FTO: variants seen among roughly 807,000 people sequenced by gnomAD.
The protein encoded by FTO is alpha-ketoglutarate-dependent dioxygenase FTO.
A neutral mutation model predicts 63.9 loss-of-function variants in FTO; 47 were observed. That is an observed-to-expected ratio of 0.74 (90% CI 0.58 to 0.94). The LOEUF (loss-of-function observed/expected upper bound fraction) is 0.94, where lower values mean the gene tolerates loss of function less well. Among genes scored for constraint, FTO ranks in the 40% least tolerant of loss-of-function variants. FTO has a pLI of 0.00. For missense variants in FTO, 562 were observed against 618.1 expected, an observed-to-expected ratio of 0.91 and a Z score of 0.96; for synonymous variants, 207 against 224.4, an observed-to-expected ratio of 0.92 and a Z score of 0.69.
chr16:54,022,247 C>T (rs7194243), intron 8 of FTO, among the ~76,000 whole-genome samples: 47,061 of 151,964 alleles, frequency 0.31, 7,778 homozygotes, highest in South Asian at 0.44. Context: ...GTGAGCGGCT[C>T]GTAGTCCATA....
At chr16:53,992,607 T>C (rs186317237) in intron 8 of FTO, 1 of 152,234 alleles carries the variant, frequency 6.6e-6, no homozygotes. Context: ...CTTATCACAG[T>C]GGTTGTTCCC....
intron 8 of FTO, among the ~76,000 whole-genome samples, chr16:54,105,673 T>A (rs1472337414): frequency 1.3e-5 from 2 of 152,182 alleles, no homozygotes; most frequent in African/African-American, 4.8e-5. Flanking sequence ...TTAGGAGTTG[T>A]TCTCCTCTTT....
Position 53,888,810 on chromosome 16 carries a change from ATCT to A in FTO, c.1120-18_1120-16del, listed in dbSNP as rs770486614. 1.1e-5 allele frequency: 17 copies of A among 1,613,788 alleles called. No homozygotes were observed. The highest frequency in any genetic ancestry group is 1.4e-5 in the Non-Finnish European group (16 of 1,179,714). On this transcript the variant is annotated intron_variant, in intron 6 of 8. Transcript: ENST00000471389. ...CTATCACAAGGGTATTAAAACCACCATCTTCTCTTTATGGTCCACAGGTCGAGT... is the reference window on the plus strand; with the variant it reads ...CTATCACAAGGGTATTAAAACCACCATCTCTTTATGGTCCACAGGTCGAGT...
chr16:53,934,944 T>C (rs1469184225), intron 8 of FTO, among the ~76,000 whole-genome samples: 1 of 152,222 alleles, frequency 6.6e-6, no homozygotes, highest in Non-Finnish European at 1.5e-5. Context: ...TAGAGTTGCC[T>C]GTGCTTAGAA....
intron 2 of FTO, among the ~76,000 whole-genome samples, chr16:53,810,984 G>C (rs1184812241): frequency 1.3e-5 from 2 of 152,080 alleles, no homozygotes; most frequent in Non-Finnish European, 2.9e-5. Context: ...TTTTTCCCTG[G>C]TTCCATCAAA....
rs758990618 is a variant in FTO, at chr16:53,934,078, C to T, written c.1333C>T (p.Arg445Cys). Residue 445 changes from arginine (R) to cysteine (C), a missense_variant, in exon 8 of 9, where the codon CGC becomes TGC. Physicochemically the swap from Arg to Cys is radical, Grantham distance 180. Coordinates refer to ENST00000471389, the MANE Select transcript of FTO (RefSeq NM_001080432.3). ...LTAILASLTA[R>C]QNLRREWHAR... Reference sequence around the variant, plus strand: ...TGCCATCCTTGCCTCGCTCACTGCACGCCAGAACCTGAGGAGAGAATGGCA... The same window carrying T: ...TGCCATCCTTGCCTCGCTCACTGCATGCCAGAACCTGAGGAGAGAATGGCA... 5.6e-6 allele frequency: 9 copies of T among 1,614,012 alleles called. No individual in the cohort carries two copies. Among genetic ancestry groups the T allele is most frequent in the Admixed American group, 3.3e-5 (2 of 59,988 alleles).
intron 1 of FTO, among the ~76,000 whole-genome samples, chr16:53,732,391 TGA>T (rs2076294175): frequency 6.6e-6 from 1 of 152,152 alleles, no homozygotes; most frequent in Non-Finnish European, 1.5e-5. Context: ...CTAACCCGAA[TGA>T]GAGAGGAGTA....
At chr16:54,025,896 C>G (rs2084703006) in intron 8 of FTO, among the ~76,000 whole-genome samples, 1 of 152,100 alleles carries the variant, frequency 6.6e-6, no homozygotes, top group African/African-American at 2.4e-5. Flanking sequence ...GCCTGTAATC[C>G]CACCTACTCT....
chr16:54,080,182 T>G (rs1462495617), intron 8 of FTO, among the ~76,000 whole-genome samples: 5 of 152,114 alleles, frequency 3.3e-5, no homozygotes, highest in Non-Finnish European at 5.9e-5. Context: ...AGGCCAGGCA[T>G]TCAAGACCAG....
chr16:53,835,390 A>G lies in FTO; in HGVS notation c.752-8765A>G, dbSNP rs531566068. On this transcript the variant is annotated intron_variant, in intron 3 of 8. Coordinates refer to ENST00000471389, the MANE Select transcript of FTO (RefSeq NM_001080432.3). ...ATGTCCTACAATGTTTTCTTCAGAA[A>G]GATGCTTAGGAGGTAAATTTTTAAG... Among the ~76,000 whole-genome samples, 3 of 152,316 alleles carry G rather than the reference A, an allele frequency of 2.0e-5. No homozygotes were observed. The East Asian group carries it at 5.8e-4, about 29-fold the overall frequency.
At chr16:53,908,700 A>G (rs1332929754) in intron 7 of FTO, among the ~76,000 whole-genome samples, 1 of 152,176 alleles carries the variant, frequency 6.6e-6, no homozygotes, top group Admixed American at 6.5e-5. Context: ...TTGAGATGCC[A>G]CTTTCTTATT....
chr16:53,995,406 A>T (rs2083911263), intron 8 of FTO, among the ~76,000 whole-genome samples: 1 of 152,254 alleles, frequency 6.6e-6, no homozygotes, highest in Admixed American at 6.5e-5. Flanking sequence ...AGCCCACACG[A>T]TACCACTGAG....
intron 8 of FTO, among the ~76,000 whole-genome samples, chr16:54,050,613 C>T (rs144689472): frequency 0.016 from 2,464 of 152,184 alleles, 75 homozygotes; most frequent in African/African-American, 0.056. Flanking sequence ...CCCCCAACCA[C>T]CTTTCTTGTC....
At chr16:53,728,956 G>T (rs2076211380) in intron 1 of FTO, among the ~76,000 whole-genome samples, 1 of 151,196 alleles carries the variant, frequency 6.6e-6, no homozygotes, top group African/African-American at 2.4e-5. Flanking sequence ...TAGAGACAGG[G>T]TTTCACCATG....
At chr16:54,028,935 CA>C (rs2084774153) in intron 8 of FTO, among the ~76,000 whole-genome samples, 1 of 152,096 alleles carries the variant, frequency 6.6e-6, no homozygotes, top group African/African-American at 2.4e-5. Flanking sequence ...TTTAATTTAT[CA>C]TAATCTTGTC....
chr16:53,747,769 T>C (rs1343252408), intron 1 of FTO, among the ~76,000 whole-genome samples: 2 of 152,198 alleles, frequency 1.3e-5, no homozygotes, highest in Non-Finnish European at 2.9e-5. Context: ...TTATCTACTA[T>C]GTTGTCTTCT....
rs551996678 is a variant in FTO at position 53,909,745 on chromosome 16, G to T, written c.1239+20794G>T. Among the ~76,000 whole-genome samples the T allele has an allele frequency of 2.4e-4, 36 of 151,690 alleles. No homozygotes were observed. In the South Asian group the frequency reaches 7.5e-3, roughly 32 times the overall value. On this transcript the variant is annotated intron_variant, in intron 7 of 8. Transcript: ENST00000471389. ...CGCTCGGCTAATTTTTGTATTTTTG[G>T]TAGAGACAGGGTTTCACCATGTTGG...
At chr16:53,738,862 A>G (rs1361005403) in intron 1 of FTO, among the ~76,000 whole-genome samples, 3 of 151,958 alleles carry the variant, frequency 2.0e-5, no homozygotes, top group Admixed American at 1.3e-4. Flanking sequence ...TTTTTTTGAG[A>G]TAGGGTCTCA....
At chr16:54,013,090 A>T (rs1271839767) in intron 8 of FTO, among the ~76,000 whole-genome samples, 1 of 152,218 alleles carries the variant, frequency 6.6e-6, no homozygotes, top group Admixed American at 6.6e-5. Flanking sequence ...GGAAGGATTC[A>T]CCATTCTAGA....
Sources: gnomAD v4.1 joint callset for allele counts (sites outside exome capture counted in the v4.1 genomes callset) on GRCh38, gnomAD v4.1.1 for gene constraint, MANE v1.5 for transcripts, NCBI Gene and HGNC (gene_info 2026-07-23, HGNC 2026-07-21) for gene names.